AIFM1: variants seen among roughly 807,000 people sequenced by gnomAD.
AIFM1 encodes apoptosis inducing factor mitochondria associated 1, also known as apoptosis-inducing factor 1, mitochondrial.
AIFM1 carries 3 observed loss-of-function variants against 51.7 expected under a neutral mutation model. The ratio of observed to expected loss-of-function variants is 0.06; its 90% confidence interval spans 0.03 to 0.15. AIFM1 has a LOEUF of 0.15. Ranked by LOEUF, AIFM1 falls within the 10% of genes least tolerant of loss-of-function variation. The pLI, the probability that AIFM1 is intolerant of heterozygous loss-of-function variation, is 1.00. For synonymous variants in AIFM1, 178 were observed against 179.4 expected (o/e 0.99, Z 0.06); for missense variants, 330 against 476.8 (o/e 0.69, Z 2.87).
At chrX:130,147,375 A>C (rs2030793620) in intron 5 of AIFM1, 118 bp downstream of exon 5, 2 of 896,810 alleles carry the variant, frequency 2.2e-6, no homozygotes, top group African/African-American at 2.0e-5. Context: ...ACCACAGTAG[A>C]CTCTAGTGGA....
At chrX:130,147,032 C>A (rs890990365) in intron 5 of AIFM1, among the ~76,000 whole-genome samples, 1 of 111,297 alleles carries the variant, frequency 9.0e-6, no homozygotes, top group Non-Finnish European at 1.9e-5. Context: ...TGTGGTGGTA[C>A]GTGCTTGTAA....
At chrX:130,158,550 C>T (rs181258040) in intron 1 of AIFM1, among the ~76,000 whole-genome samples, 3 of 110,256 alleles carry the variant, frequency 2.7e-5, no homozygotes, top group African/African-American at 9.9e-5. Flanking sequence ...GCTGCTGTTG[C>T]TGCTGCTGCT....
At chrX:130,129,764 A>G (rs976963586) in intron 15 of AIFM1, 136 bp from the exon 16 acceptor site, 2 of 758,493 alleles carry the variant, frequency 2.6e-6, no homozygotes, top group Non-Finnish European at 4.0e-6. Flanking sequence ...TACTAACCCC[A>G]AACAAGCAGC....
At chrX:130,162,483 T>C (rs1380079741) in intron 1 of AIFM1, among the ~76,000 whole-genome samples, 1 of 112,301 alleles carries the variant, frequency 8.9e-6, no homozygotes, top group Non-Finnish European at 1.9e-5. Context: ...AGCTAAGACA[T>C]GCAGTAACTC....
chrX:130,155,317 C>T (rs1388060256), intron 2 of AIFM1: 1 of 1,196,766 alleles, frequency 8.4e-7, no homozygotes. Flanking sequence ...AAGAGAGAAA[C>T]AAAAGGAAAC....
At chrX:130,162,957 T>C (rs2031398533) in intron 1 of AIFM1, among the ~76,000 whole-genome samples, 1 of 111,324 alleles carries the variant, frequency 9.0e-6, no homozygotes, top group Admixed American at 9.6e-5. Context: ...AATAAACAAA[T>C]AGTAGCTATC....
chrX:130,163,279 T>A (rs767010933), intron 1 of AIFM1, among the ~76,000 whole-genome samples: 1 of 95,635 alleles, frequency 1.0e-5, no homozygotes, highest in East Asian at 3.2e-4. Flanking sequence ...CACTGCACTC[T>A]GGGAAACTGA....
At chrX:130,149,158 C>T (rs1031579043) in intron 3 of AIFM1, among the ~76,000 whole-genome samples, 1 of 110,915 alleles carries the variant, frequency 9.0e-6, no homozygotes, top group African/African-American at 3.3e-5. Context: ...CTGACCTCAG[C>T]TGACCCGCAC....
chrX:130,150,977 C>CAAAAA (rs759870161), intron 2 of AIFM1, among the ~76,000 whole-genome samples: 35 of 27,766 alleles, frequency 1.3e-3, no homozygotes, highest in African/African-American at 3.4e-3. Flanking sequence ...GACTCTGTCT[C>CAAAAA]AAAAAAAAAA....
rs143670174 is a variant in AIFM1, at chrX:130,147,501, T to G, written c.597A>C (p.Lys199Asn). 202 of 1,210,371 alleles carry G rather than the reference T, an allele frequency of 1.7e-4. No homozygotes were observed. The highest frequency in any genetic ancestry group is 2.2e-4 in the Non-Finnish European group (198 of 895,285). ...TACATAAGCAAACACACCTTCTCTCTTTTCCATTCCACTGTTTGAATCGCA... is the reference window on the plus strand; with the variant it reads ...TACATAAGCAAACACACCTTCTCTCGTTTCCATTCCACTGTTTGAATCGCA... The part of the protein sequence containing the change: ...KTLRFKQWNG[K>N]ERSIYFQPPS... Residue 199 changes from lysine to asparagine, a missense_variant, in exon 5 of 16, where the codon AAA (lysine) becomes AAC (asparagine). Lys to Asn is a moderately conservative substitution (Grantham distance 94). Around this residue, in one of 4 missense-constraint regions of AIFM1, gnomAD observed 152 missense variants for 292.8 expected, o/e 0.52. Coordinates refer to ENST00000287295, the MANE Select transcript of AIFM1 (RefSeq NM_004208.4).
intron 12 of AIFM1, among the ~76,000 whole-genome samples, chrX:130,134,347 T>C (rs2030238298): frequency 8.9e-6 from 1 of 112,074 alleles, no homozygotes; most frequent in Non-Finnish European, 1.9e-5. Flanking sequence ...AGACAGGATA[T>C]TTAATAACCA....
chrX:130,135,440 A>T (rs114767022), intron 12 of AIFM1, among the ~76,000 whole-genome samples: 20 of 609 alleles, frequency 0.033, no homozygotes, highest in African/African-American at 0.096. Context: ...TTTTTTTTTT[A>T]AAAAAAAAAA....
intron 9 of AIFM1, among the ~76,000 whole-genome samples, chrX:130,138,330 T>C (rs1350692841): frequency 1.8e-5 from 2 of 110,529 alleles, no homozygotes; most frequent in African/African-American, 6.6e-5. Context: ...CCAGGCGTGG[T>C]TACAGGCGCC....
intron 12 of AIFM1, among the ~76,000 whole-genome samples, chrX:130,134,246 AAG>A (rs2030231814): frequency 9.0e-6 from 1 of 110,555 alleles, no homozygotes; most frequent in African/African-American, 3.3e-5. Flanking sequence ...CAAAAAAAAA[AAG>A]AAAAAAAAAT....
chrX:130,138,464 C>CAA, intron 9 of AIFM1, 129 bp downstream of exon 9: 2 of 521,648 alleles, frequency 3.8e-6, no homozygotes. Context: ...GACTCCATCT[C>CAA]AAAAAAAAAT....
rs1420109388 is a variant in AIFM1, at chrX:130,133,320, T to C, written c.1441A>G (p.Met481Val). The change falls in exon 13 of 16, where the codon ATG (methionine) becomes GTG (valine). Residue 481 changes from methionine (M) to valine (V), a missense_variant. By Grantham distance (21) the Met-to-Val change is conservative (BLOSUM62 1). Around this residue, in one of 4 missense-constraint regions of AIFM1, gnomAD observed 152 missense variants for 292.8 expected, o/e 0.52. Transcript: ENST00000287295. Reference sequence around the variant, plus strand: ...AAGGCACACCACTATTACCAGAACATTGACTGATGCCAGTACGGCTTAGCA... The same window carrying C: ...AAGGCACACCACTATTACCAGAACACTGACTGATGCCAGTACGGCTTAGCA... ...GAAKPYWHQS[M>V]FWSDLGPDVG... The C allele has an allele frequency of 8.3e-7, 1 of 1,211,289 alleles. No homozygotes were observed. Among genetic ancestry groups the C allele is most frequent in the Non-Finnish European group, 1.1e-6 (1 of 895,373 alleles).
intron 2 of AIFM1, among the ~76,000 whole-genome samples, chrX:130,152,199 A>G (rs1410708941): frequency 3.6e-5 from 4 of 112,171 alleles, no homozygotes; most frequent in Non-Finnish European, 7.5e-5. Context: ...GAAAAGAGAA[A>G]TAAACAGGGG....
intron 1 of AIFM1, among the ~76,000 whole-genome samples, chrX:130,162,954 A>T (rs1485141847): frequency 8.9e-6 from 1 of 111,934 alleles, no homozygotes; most frequent in East Asian, 2.8e-4. Context: ...GTAAATAAAC[A>T]AATAGTAGCT....
rs2124651866 is a variant in AIFM1 at position 130,136,165 on chromosome X, C to G, written c.1185G>C (p.Val395=). The stretch of plus-strand genomic sequence containing the variant: ...CATTGGGCTCCAGGCCCACAGCTGC[C>G]ACTATGTGGTCAGTTTCTACCTGAG... ...DGRKVETDHI[V]AAVGLEPNVE... The change falls in exon 12 of 16, where the codon GTG becomes GTC. Residue 395 remains valine, a synonymous_variant. Transcript: ENST00000287295. 8.3e-7 allele frequency: 1 copy of G among 1,212,066 alleles called. No homozygotes were observed. Among genetic ancestry groups the G allele is most frequent in the Non-Finnish European group, 1.1e-6 (1 of 895,565 alleles).
Sources: allele counts gnomAD v4.1 joint callset (sites outside exome capture counted in the v4.1 genomes callset), GRCh38; gene constraint gnomAD v4.1.1; regional missense constraint gnomAD v4.1.1; transcripts MANE v1.5; gene names NCBI Gene and HGNC (gene_info 2026-07-23, HGNC 2026-07-21).